CDC42SE2: variants seen among roughly 807,000 people sequenced by gnomAD.
CDC42SE2 encodes CDC42 small effector 2.
Under a neutral mutation model 11.5 loss-of-function variants are expected in CDC42SE2, and 3 were observed. The ratio of observed to expected loss-of-function variants is 0.26; its 90% CI spans 0.12 to 0.67. CDC42SE2 has a LOEUF of 0.67. CDC42SE2 is among the 30% of genes least tolerant of loss of function. The probability of loss-of-function intolerance (pLI) is 0.80; values close to 1 mark genes in which losing one functional copy is unlikely to be tolerated. For synonymous variants in CDC42SE2, 33 were observed against 34.8 expected (o/e 0.95, Z 0.18); for missense variants, 82 against 106.8 (o/e 0.77, Z 1.02).
intron 1 of CDC42SE2, among the ~76,000 whole-genome samples, chr5:131,292,786 C>A (rs1417494417): frequency 1.3e-5 from 2 of 150,888 alleles, no homozygotes; most frequent in East Asian, 3.9e-4. Flanking sequence ...GTGGCATACA[C>A]CTGTAGTCCC....
intron 3 of CDC42SE2, among the ~76,000 whole-genome samples, chr5:131,369,421 TC>T (rs1200573285): frequency 6.6e-6 from 1 of 152,214 alleles, no homozygotes; most frequent in Non-Finnish European, 1.5e-5. Context: ...CCCAAGTTTT[TC>T]TAGGGTATAT....
upstream of CDC42SE2, among the ~76,000 whole-genome samples, chr5:131,263,378 G>T (rs1409272753): frequency 1.3e-5 from 2 of 152,098 alleles, no homozygotes; most frequent in African/African-American, 4.8e-5. Flanking sequence ...AGGCATTTTG[G>T]TGGACTGCTG....
At chr5:131,219,527 A>C in the CDC42SE2 span, among the ~76,000 whole-genome samples, 121 of 152,294 alleles carry the variant, frequency 7.9e-4, no homozygotes, top group African/African-American at 2.9e-3. Context: ...TATGATAGTG[A>C]ACAAGTAAGA....
chr5:131,317,865 CT>C (rs11408968), intron 2 of CDC42SE2, among the ~76,000 whole-genome samples: 6 of 148,976 alleles, frequency 4.0e-5, no homozygotes, highest in Non-Finnish European at 6.0e-5. Context: ...GAAGAATTCA[CT>C]TTTTTTTTTT....
chr5:131,316,906 T>G (rs1758053018), intron 2 of CDC42SE2, among the ~76,000 whole-genome samples: 1 of 152,242 alleles, frequency 6.6e-6, no homozygotes, highest in South Asian at 2.1e-4. Flanking sequence ...CTCAAAGCCA[T>G]GTTTTTTAGT....
At chr5:131,307,535 A>T (rs1021497187) in intron 1 of CDC42SE2, among the ~76,000 whole-genome samples, 1 of 152,078 alleles carries the variant, frequency 6.6e-6, no homozygotes, top group African/African-American at 2.4e-5. Flanking sequence ...ATACGTGTGC[A>T]TGTGTCTTTA....
intron 1 of CDC42SE2, among the ~76,000 whole-genome samples, chr5:131,302,954 T>TA (rs1757714262): frequency 6.6e-6 from 1 of 152,182 alleles, no homozygotes; most frequent in Admixed American, 6.5e-5. Flanking sequence ...AACTACATCT[T>TA]ACACTTTTAT....
intron 3 of CDC42SE2, among the ~76,000 whole-genome samples, chr5:131,385,264 AAAG>A (rs1750447267): frequency 6.6e-6 from 1 of 152,218 alleles, no homozygotes; most frequent in South Asian, 2.1e-4. Flanking sequence ...CGTTTTTTAA[AAAG>A]AATAAAACTT....
chr5:131,309,336 G>T (rs1757848654), intron 1 of CDC42SE2, among the ~76,000 whole-genome samples: 1 of 151,798 alleles, frequency 6.6e-6, no homozygotes, highest in Non-Finnish European at 1.5e-5. Flanking sequence ...TGTGCTGCTG[G>T]ATTCGTTTTG....
chr5:131,367,649 T>C (rs979754073), intron 3 of CDC42SE2, among the ~76,000 whole-genome samples: 1 of 152,242 alleles, frequency 6.6e-6, no homozygotes, highest in Admixed American at 6.5e-5. Flanking sequence ...GTGAAAGACA[T>C]GCCTGTTCAT....
In CDC42SE2 at chr5:131,356,915, A is replaced by T. The variant is rs184490843; in HGVS notation, c.-285-2294A>T. On this transcript the variant is annotated intron_variant, in intron 2 of 4. Coordinates refer to ENST00000505065, the MANE Select transcript of CDC42SE2 (RefSeq NM_001375635.1). ...ACAGTGAGACCCTATCTGAAAAAAAATTTTTTTTTTAATTTCACAAAGGCT... is the reference window on the plus strand; with the variant it reads ...ACAGTGAGACCCTATCTGAAAAAAATTTTTTTTTTTAATTTCACAAAGGCT... Among the ~76,000 whole-genome samples the T allele has an allele frequency of 7.1e-3, 1,066 of 151,142 alleles. 13 individuals are homozygous for T. Among genetic ancestry groups the T allele is most frequent in the African/African-American group, 0.023 (950 of 41,254 alleles).
intron 3 of CDC42SE2, among the ~76,000 whole-genome samples, chr5:131,383,957 C>A (rs1384466527): frequency 2.6e-5 from 4 of 152,184 alleles, no homozygotes; most frequent in Non-Finnish European, 1.5e-5. Flanking sequence ...ATTATAGACA[C>A]ACACATGTTC....
At chr5:131,337,072 C>T (rs1198343620) in intron 2 of CDC42SE2, among the ~76,000 whole-genome samples, 1 of 152,128 alleles carries the variant, frequency 6.6e-6, no homozygotes, top group Non-Finnish European at 1.5e-5. Flanking sequence ...GGTTTTTCTG[C>T]TCTGTTTTTT....
intron 2 of CDC42SE2, among the ~76,000 whole-genome samples, chr5:131,356,473 T>C (rs1214221274): frequency 1.3e-5 from 2 of 152,194 alleles, no homozygotes; most frequent in Non-Finnish European, 1.5e-5. Flanking sequence ...AGATAGAAGA[T>C]GTATTGATAT....
At chr5:131,376,982 T>C (rs1750172992) in intron 3 of CDC42SE2, among the ~76,000 whole-genome samples, 1 of 152,158 alleles carries the variant, frequency 6.6e-6, no homozygotes, top group Non-Finnish European at 1.5e-5. Flanking sequence ...GGTAGAATGA[T>C]TTATATTACT....
At chr5:131,366,696 ATCT>A (rs1203119892) in intron 3 of CDC42SE2, among the ~76,000 whole-genome samples, 7 of 152,268 alleles carry the variant, frequency 4.6e-5, no homozygotes, top group African/African-American at 1.7e-4. Flanking sequence ...GAAAAATTAA[ATCT>A]TCTTTCAAAC....
At chr5:131,380,984 ATT>A (rs1750303880) in intron 3 of CDC42SE2, among the ~76,000 whole-genome samples, 1 of 152,108 alleles carries the variant, frequency 6.6e-6, no homozygotes, top group Non-Finnish European at 1.5e-5. Flanking sequence ...CATTGCACGT[ATT>A]TGTCTTTAAT....
chr5:131,218,120 G>A, the CDC42SE2 span, among the ~76,000 whole-genome samples: 1 of 142,030 alleles, frequency 7.0e-6, no homozygotes, highest in Non-Finnish European at 1.5e-5. Flanking sequence ...AGGCTGCAAT[G>A]AGACATGAAT....
At chr5:131,296,871 T>C (rs554508387) in intron 1 of CDC42SE2, among the ~76,000 whole-genome samples, 1 of 152,130 alleles carries the variant, frequency 6.6e-6, no homozygotes, top group African/African-American at 2.4e-5. Context: ...TTGCAAGTTC[T>C]TTTTCTTTCT....
Sources: gnomAD v4.1 joint callset for allele counts (sites outside exome capture counted in the v4.1 genomes callset) on GRCh38, gnomAD v4.1.1 for gene constraint, MANE v1.5 for transcripts, NCBI Gene and HGNC (gene_info 2026-07-23, HGNC 2026-07-21) for gene names.